FTO: variants seen among roughly 807,000 people sequenced by gnomAD.
The protein encoded by FTO is alpha-ketoglutarate-dependent dioxygenase FTO.
In FTO, 47 loss-of-function variants were observed where a neutral mutation model predicts 63.9. The observed-to-expected ratio is 0.74, with a 90% CI of 0.58 to 0.94. The LOEUF (loss-of-function observed/expected upper bound fraction) is 0.94, where lower values mean the gene tolerates loss of function less well. Ranked by LOEUF, FTO falls within the 40% of genes least tolerant of loss-of-function variation. FTO has a pLI of 0.00. For missense variants in FTO, 562 were observed against 618.1 expected (o/e 0.91, Z 0.96); for synonymous variants, 207 against 224.4 (o/e 0.92, Z 0.69).
At chr16:53,843,199 C>T (rs1049218125) in intron 3 of FTO, among the ~76,000 whole-genome samples, 5 of 152,196 alleles carry the variant, frequency 3.3e-5, no homozygotes, top group Non-Finnish European at 5.9e-5. Context: ...ACTTGCTCAA[C>T]AGTCATTTTA....
chr16:53,747,432 A>G (rs1258175703), intron 1 of FTO, among the ~76,000 whole-genome samples: 1 of 152,056 alleles, frequency 6.6e-6, no homozygotes. Flanking sequence ...CATTTCTTTA[A>G]TGATTAGTAA....
At chr16:53,861,418 TA>T (rs1452923263) in intron 4 of FTO, among the ~76,000 whole-genome samples, 2 of 152,234 alleles carry the variant, frequency 1.3e-5, no homozygotes, top group African/African-American at 2.4e-5. Context: ...GTCATTTATT[TA>T]TTCATGAGGT....
chr16:54,074,950 G>GTATGTGTGTA (rs1428126426), intron 8 of FTO, among the ~76,000 whole-genome samples: 1 of 147,288 alleles, frequency 6.8e-6, no homozygotes, highest in East Asian at 2.0e-4. Context: ...GTGTGTGTGT[G>GTATGTGTGTA]TGTGTAAACT....
At chr16:53,927,474 A>G (rs1189160717) in intron 7 of FTO, among the ~76,000 whole-genome samples, 2 of 152,214 alleles carry the variant, frequency 1.3e-5, no homozygotes, top group African/African-American at 4.8e-5. Context: ...TGTTGGCTGT[A>G]TGGGACCAGA....
intron 8 of FTO, among the ~76,000 whole-genome samples, chr16:54,021,565 C>A (rs933734590): frequency 2.6e-5 from 4 of 152,192 alleles, no homozygotes; most frequent in African/African-American, 9.7e-5. Context: ...TCTCGGCTCA[C>A]TGCAACCTCC....
intron 1 of FTO, among the ~76,000 whole-genome samples, chr16:53,804,059 G>A (rs73607082): frequency 0.033 from 4,962 of 152,158 alleles, 280 homozygotes; most frequent in African/African-American, 0.11. Context: ...TGTATTGAGG[G>A]GCTGTTTATG....
intron 8 of FTO, among the ~76,000 whole-genome samples, chr16:54,067,054 T>C (rs2085748779): frequency 6.6e-6 from 1 of 152,250 alleles, no homozygotes; most frequent in Non-Finnish European, 1.5e-5. Context: ...GTTCCTTTAG[T>C]ACATTTAAAA....
Position 53,940,564 on chromosome 16 carries a change from A to G in FTO, c.1364+6455A>G, listed in dbSNP as rs141217524. ...AACATTGCACACTGGATAGGAATGTAGCCTGATTAAATGGAAACTCGGTAC... is the reference window on the plus strand; with the variant it reads ...AACATTGCACACTGGATAGGAATGTGGCCTGATTAAATGGAAACTCGGTAC... On this transcript the variant is annotated intron_variant, in intron 8 of 8. Coordinates refer to ENST00000471389, the MANE Select transcript of FTO (RefSeq NM_001080432.3). Among the ~76,000 whole-genome samples the G allele has an allele frequency of 3.9e-3, 587 of 152,342 alleles. 9 individuals are homozygous for G. The highest frequency in any genetic ancestry group is 0.013 in the African/African-American group (561 of 41,572).
chr16:53,774,530 C>G (rs962723364), intron 1 of FTO, among the ~76,000 whole-genome samples: 1 of 152,082 alleles, frequency 6.6e-6, no homozygotes, highest in Non-Finnish European at 1.5e-5. Context: ...GGCTCTGTTT[C>G]CAAGGTTTAA....
At chr16:53,912,986 T>G (rs764879878) in intron 7 of FTO, among the ~76,000 whole-genome samples, 8 of 152,224 alleles carry the variant, frequency 5.3e-5, no homozygotes, top group Non-Finnish European at 1.0e-4. Context: ...GCTTCTGTTC[T>G]GTGTGACTTA....
intron 7 of FTO, among the ~76,000 whole-genome samples, chr16:53,893,466 T>C (rs1424033895): frequency 6.6e-5 from 10 of 152,134 alleles, no homozygotes; most frequent in African/African-American, 2.4e-4. Context: ...TCCTGTGAGG[T>C]GGGCAAGTCT....
At chr16:54,074,688 T>A (rs2085944098) in intron 8 of FTO, among the ~76,000 whole-genome samples, 2 of 152,172 alleles carry the variant, frequency 1.3e-5, no homozygotes, top group Non-Finnish European at 2.9e-5. Flanking sequence ...GGGATGAATA[T>A]CCTTGTCTAA....
intron 8 of FTO, among the ~76,000 whole-genome samples, chr16:53,940,153 C>T (rs1599041714): frequency 6.6e-6 from 1 of 151,914 alleles, no homozygotes; most frequent in African/African-American, 2.4e-5. Context: ...CTTGTCGTTA[C>T]CTGTTATTTT....
intron 8 of FTO, chr16:54,070,108 G>A (rs1299876500): frequency 6.6e-6 from 1 of 151,912 alleles, no homozygotes; most frequent in Non-Finnish European, 1.5e-5. Context: ...ATCAATACGT[G>A]TTAATTATCA....
intron 1 of FTO, among the ~76,000 whole-genome samples, chr16:53,753,529 G>C (rs2076848617): frequency 6.6e-6 from 1 of 151,614 alleles, no homozygotes; most frequent in Non-Finnish European, 1.5e-5. Flanking sequence ...AAGTTTTCCT[G>C]GCCCTAGGAG....
intron 7 of FTO, among the ~76,000 whole-genome samples, chr16:53,907,411 T>TGACG (rs2081566710): frequency 6.6e-6 from 1 of 152,176 alleles, no homozygotes; most frequent in Non-Finnish European, 1.5e-5. Flanking sequence ...GTAGCTTGGC[T>TGACG]GACGGGGAGC....
chr16:53,887,287 G>A (rs141499336), intron 6 of FTO, among the ~76,000 whole-genome samples: 6 of 152,228 alleles, frequency 3.9e-5, no homozygotes, highest in African/African-American at 1.4e-4. Context: ...TCTTCCTGTA[G>A]TTTCTGATAG....
intron 8 of FTO, among the ~76,000 whole-genome samples, chr16:53,953,072 T>G (rs2082836147): frequency 6.6e-6 from 1 of 152,216 alleles, no homozygotes; most frequent in Non-Finnish European, 1.5e-5. Flanking sequence ...AGAGTCATCA[T>G]GAACAATTAC....
intron 1 of FTO, among the ~76,000 whole-genome samples, chr16:53,722,203 GTA>G (rs1567928878): frequency 2.6e-5 from 4 of 152,092 alleles, no homozygotes; most frequent in African/African-American, 9.7e-5. Context: ...ATTTACTGGT[GTA>G]TGGTACCGTA....
Sources: allele counts gnomAD v4.1 joint callset (sites outside exome capture counted in the v4.1 genomes callset), GRCh38; gene constraint gnomAD v4.1.1; transcripts MANE v1.5; gene names NCBI Gene and HGNC (gene_info 2026-07-23, HGNC 2026-07-21).